The following C4orf50 variants were observed in gnomAD, a reference collection of about 807,000 sequenced individuals.
C4orf50 encodes the protein uncharacterized protein C4orf50.
C4orf50 carries 80 observed loss-of-function variants against 77.2 expected under a neutral mutation model. The observed-to-expected ratio is 1.04, with a 90% CI of 0.87 to 1.25. C4orf50 has a LOEUF of 1.25. Ranked by LOEUF, C4orf50 falls within the 50% of genes most tolerant of loss-of-function variation. C4orf50 has a pLI of 0.00. For missense variants in C4orf50, 1,257 were observed against 1,152.9 expected (o/e 1.09, Z -1.31); for synonymous variants, 532 against 465.3 (o/e 1.14, Z -1.84).
intron 31 of C4orf50, 88 bp from the exon 10 acceptor site, chr4:5,967,550 C>T: frequency 8.1e-7 from 1 of 1,230,968 alleles, no homozygotes; most frequent in South Asian, 1.2e-5. Flanking sequence ...CAAGCAGGGC[C>T]ATCACCCCTC....
rs58017259 is a variant in C4orf50 at position 5,912,256 on chromosome 4, CGTGTGTGTGTGT to C, written c.*2475-14080_*2475-14069del. Among the ~76,000 whole-genome samples, 69 of 146,312 alleles carry C rather than the reference CGTGTGTGTGTGT, an allele frequency of 4.7e-4. 1 individual carries two copies. Among genetic ancestry groups the C allele is most frequent in the Non-Finnish European group, 6.9e-4 (46 of 66,716 alleles). ...GCCAGCTCCAGTCTAGCACTCCACT[CGTGTGTGTGTGT>C]GTGTGTGTGTGTGTGTGTGTGTGTG... On this transcript the variant is annotated intron_variant, in intron 7 of 7. Transcript: ENST00000324058.
chr4:5,998,181 G>A (rs989772740), intron 25 of C4orf50, among the ~76,000 whole-genome samples: 2 of 152,156 alleles, frequency 1.3e-5, no homozygotes, highest in African/African-American at 4.8e-5. Flanking sequence ...ACGGCTGCAG[G>A]CCCTTTTAAC....
chr4:5,954,891 C>T (rs1029895256), downstream of C4orf50, among the ~76,000 whole-genome samples: 3 of 152,036 alleles, frequency 2.0e-5, no homozygotes, highest in Non-Finnish European at 4.4e-5. This position sits in a 1 kb window ranked among gnomAD's most constrained non-coding sequence, Gnocchi z 4.7. Context: ...ATTCAGCAGC[C>T]GCAGGCATTG....
intron 7 of C4orf50, among the ~76,000 whole-genome samples, chr4:5,947,597 G>A (rs1259342111): frequency 2.6e-5 from 4 of 152,118 alleles, no homozygotes; most frequent in East Asian, 3.9e-4. Flanking sequence ...TCAAATCACC[G>A]ACTGGTGAGA....
chr4:5,912,032 C>T (rs139940365), intron 7 of C4orf50, among the ~76,000 whole-genome samples: 3,000 of 152,018 alleles, frequency 0.02, 56 homozygotes, highest in South Asian at 0.046. Flanking sequence ...GGTGACAGAG[C>T]GAGACTCCGT....
intron 7 of C4orf50, among the ~76,000 whole-genome samples, chr4:5,936,797 TAAAA>T (rs1239300822): frequency 6.6e-6 from 1 of 151,714 alleles, no homozygotes; most frequent in African/African-American, 2.4e-5. Context: ...GTAGGATAGA[TAAAA>T]ATGAATATAT....
chr4:5,921,319 G>T (rs186431359), intron 7 of C4orf50, among the ~76,000 whole-genome samples: 1 of 152,330 alleles, frequency 6.6e-6, no homozygotes, highest in African/African-American at 2.4e-5. Flanking sequence ...AACTCAGAAA[G>T]AAGCCAAGAG....
In C4orf50 at chr4:5,973,653, C is replaced by G; in HGVS notation, c.4104+6G>C. 1 of 1,607,544 alleles carries G rather than the reference C, an allele frequency of 6.2e-7. No individual in the cohort carries two copies. Among genetic ancestry groups the G allele is most frequent in the Non-Finnish European group, 8.5e-7 (1 of 1,175,730 alleles). The stretch of plus-strand genomic sequence containing the variant: ...AGCACAGACAGGGCCATCTCTGGGA[C>G]TCTACCTCTGGGACTCCCGGAGCCA... On this transcript the variant is annotated splice_donor_region_variant and intron_variant, in intron 31 of 33. Transcript: ENST00000531445.
chr4:5,916,758 G>A lies in C4orf50; in HGVS notation c.*2475-18570C>T, dbSNP rs182647529. Among the ~76,000 whole-genome samples, 153 of 152,264 alleles carry A rather than the reference G, an allele frequency of 1.0e-3. No individual in the cohort carries two copies. The highest frequency in any genetic ancestry group is 3.6e-3 in the African/African-American group (148 of 41,556). On this transcript the variant is annotated intron_variant, in intron 7 of 7. Coordinates refer to the C4orf50 transcript ENST00000324058. The surrounding 1 kb of genome is among the most constrained non-coding windows in gnomAD (Gnocchi z 4.4). ...CTGCAGGAAATAGGGTCACGGCCCC[G>A]AGAGCACTTCTGTGAAGAGCACAGA...
intron 7 of C4orf50, among the ~76,000 whole-genome samples, chr4:5,927,829 C>T (rs1205873759): frequency 6.6e-6 from 1 of 152,104 alleles, no homozygotes; most frequent in African/African-American, 2.4e-5. Context: ...ACTAATACAC[C>T]CATTCTTCAT....
chr4:6,006,206 C>A (rs1167574537), intron 25 of C4orf50, among the ~76,000 whole-genome samples: 5 of 152,152 alleles, frequency 3.3e-5, no homozygotes, highest in Non-Finnish European at 7.4e-5. Flanking sequence ...TGAGAAAATT[C>A]AGATCATTTA....
At chr4:5,943,345 G>A (rs1231500999) in intron 7 of C4orf50, among the ~76,000 whole-genome samples, 2 of 152,164 alleles carry the variant, frequency 1.3e-5, no homozygotes, top group Non-Finnish European at 1.5e-5. Context: ...GTTTTCCCAG[G>A]GGTTCACATT....
intron 25 of C4orf50, among the ~76,000 whole-genome samples, chr4:6,005,317 G>C (rs1722205202): frequency 6.6e-6 from 1 of 152,202 alleles, no homozygotes; most frequent in Non-Finnish European, 1.5e-5. Flanking sequence ...GTGCAGGCCA[G>C]CCTAGAGTGC....
chr4:5,993,116 G>C (rs953448339), intron 26 of C4orf50, among the ~76,000 whole-genome samples, 186 bp from the exon 5 acceptor site: 3 of 151,480 alleles, frequency 2.0e-5, no homozygotes, highest in African/African-American at 7.3e-5. Context: ...GAGGCTCAGA[G>C]ACGTGAAATA....
chr4:5,940,636 C>T (rs1718221274), intron 7 of C4orf50, among the ~76,000 whole-genome samples: 1 of 152,210 alleles, frequency 6.6e-6, no homozygotes, highest in South Asian at 2.1e-4. Context: ...CCTCTGTGTG[C>T]ACATTCATTT....
chr4:5,949,122 G>A (rs1718613935), intron 7 of C4orf50, among the ~76,000 whole-genome samples: 1 of 152,176 alleles, frequency 6.6e-6, no homozygotes, highest in Non-Finnish European at 1.5e-5. Flanking sequence ...AGACAGCAGA[G>A]GGGAGAGCAC....
At chr4:5,966,376 G>A (rs1719565299) in intron 32 of C4orf50, among the ~76,000 whole-genome samples, 1 of 152,032 alleles carries the variant, frequency 6.6e-6, no homozygotes, top group Admixed American at 6.5e-5. Flanking sequence ...TCGGGAGGCT[G>A]AGGCAAGAGA....
chr4:5,986,535 G>A (rs910024979), intron 28 of C4orf50, among the ~76,000 whole-genome samples: 2 of 130,904 alleles, frequency 1.5e-5, no homozygotes, highest in African/African-American at 6.0e-5. Context: ...CTATAACAAC[G>A]TCATTTTTTT....
Position 6,017,621 on chromosome 4 carries a change from T to C in C4orf50, c.287+524A>G, listed in dbSNP as rs1722729063. Among the ~76,000 whole-genome samples, 1 of 152,150 alleles carries C rather than the reference T, an allele frequency of 6.6e-6. No individual in the cohort carries two copies. Among genetic ancestry groups the C allele is most frequent in the African/African-American group, 2.4e-5 (1 of 41,440 alleles). ...CAAGCCTTCCAGAGCACACATGCTTTTTCCCCAGGATATAAGCCCTGGGTT... is the reference window on the plus strand; with the variant it reads ...CAAGCCTTCCAGAGCACACATGCTTCTTCCCCAGGATATAAGCCCTGGGTT... On this transcript the variant is annotated intron_variant, in intron 23 of 33. Transcript: ENST00000531445. The surrounding 1 kb of genome is among the most constrained non-coding windows in gnomAD (Gnocchi z 4.7).
Sources: gnomAD v4.1 joint callset for allele counts (sites outside exome capture counted in the v4.1 genomes callset) on GRCh38, gnomAD v4.1.1 for gene constraint, Gnocchi (gnomAD v3.1) non-coding constraint, MANE v1.5 for transcripts, NCBI Gene and HGNC (gene_info 2026-07-23, HGNC 2026-07-21) for gene names.